SH3RF2: variants seen among roughly 807,000 people sequenced by gnomAD.
SH3RF2 encodes E3 ubiquitin-protein ligase SH3RF2.
In SH3RF2, 43 loss-of-function variants were observed where a neutral mutation model predicts 59.0. That is an observed-to-expected ratio of 0.73 (90% CI 0.57 to 0.94). SH3RF2 has a LOEUF of 0.94. Among genes scored for constraint, SH3RF2 ranks in the 40% least tolerant of loss-of-function variants. The pLI is 0.00. For missense variants in SH3RF2, 930 were observed against 940.1 expected (o/e 0.99, Z 0.14); for synonymous variants, 391 against 391.5 (o/e 1.00, Z 0.01).
At chr5:145,988,230 C>T (rs978881001) in intron 2 of SH3RF2, among the ~76,000 whole-genome samples, 3 of 151,914 alleles carry the variant, frequency 2.0e-5, no homozygotes, top group Admixed American at 2.0e-4. Context: ...TGTGGCTGCC[C>T]TCAGTCTCCA....
rs375275804 is a variant in SH3RF2, at chr5:146,062,705, T to C, written c.*4T>C. 3 of 1,609,738 alleles carry C rather than the reference T, an allele frequency of 1.9e-6. No individual in the cohort carries two copies. The highest frequency in any genetic ancestry group is 2.5e-6 in the Non-Finnish European group (3 of 1,176,764). On this transcript the variant is annotated 3_prime_UTR_variant, in exon 10 of 10. Transcript: ENST00000359120. ...GACCGTGTTTCCCAGCAAATGAACC[T>C]ACGGGTGGCTTTTCCTAGACCCCAA...
chr5:145,969,412 C>T lies in SH3RF2; in HGVS notation c.379-30646C>T, dbSNP rs184021344. Among the ~76,000 whole-genome samples, 13 of 152,200 alleles carry T rather than the reference C, an allele frequency of 8.5e-5. No homozygotes were observed. In the East Asian group the frequency reaches 1.5e-3, roughly 18 times the overall value. On this transcript the variant is annotated intron_variant, in intron 2 of 9. Transcript: ENST00000359120. ...GAAAGGTGAGGAGGAAAGAAGACAA[C>T]AAAAGATGTTCACTATCAGCATATT... is the stretch of plus-strand genomic sequence containing the variant.
chr5:145,989,355 CA>C (rs1759845351), intron 2 of SH3RF2, among the ~76,000 whole-genome samples: 1 of 152,188 alleles, frequency 6.6e-6, no homozygotes, highest in Non-Finnish European at 1.5e-5. Context: ...TCTTATCAGC[CA>C]TTTGTATTAA....
chr5:146,033,456 T>C (rs1463524885), intron 5 of SH3RF2, among the ~76,000 whole-genome samples: 50 of 51,636 alleles, frequency 9.7e-4, no homozygotes, highest in African/African-American at 2.7e-3. Flanking sequence ...CTTAGCTTTT[T>C]TTTTTTTTTT....
At chr5:146,021,396 A>G (rs1453682641) in intron 5 of SH3RF2, among the ~76,000 whole-genome samples, 1 of 152,180 alleles carries the variant, frequency 6.6e-6, no homozygotes, top group Non-Finnish European at 1.5e-5. Flanking sequence ...ATTCATACTC[A>G]TAAGTGATGT....
At chr5:145,958,975 A>ATGTATAAAAATG (rs1194760954) in intron 2 of SH3RF2, among the ~76,000 whole-genome samples, 10 of 152,204 alleles carry the variant, frequency 6.6e-5, no homozygotes, top group Admixed American at 6.5e-4. Flanking sequence ...ATGGTCTCAC[A>ATGTATAAAAATG]GTTTATGGCC....
At chr5:146,005,175 A>C (rs1018981383) in intron 4 of SH3RF2, among the ~76,000 whole-genome samples, 1 of 151,770 alleles carries the variant, frequency 6.6e-6, no homozygotes, top group Non-Finnish European at 1.5e-5. Flanking sequence ...TTAAAAAAAA[A>C]AGAAAGAAAA....
downstream of SH3RF2, among the ~76,000 whole-genome samples, chr5:146,067,871 C>T (rs968010719): frequency 6.6e-6 from 1 of 152,212 alleles, no homozygotes; most frequent in Non-Finnish European, 1.5e-5. Context: ...GCTAAGACCT[C>T]CAGCAATAAA....
In SH3RF2 at chr5:146,060,218, C is replaced by T. The variant is rs376940777; in HGVS notation, c.1908C>T (p.Ile636=). ...LVKPENSRNG[I]EKQVKTVRFQ... is the part of the protein sequence containing the mutation. ...AACCAGAAAACTCAAGAAATGGCAT[C>T]GAAAAGGTAGGATCAGAGTGACATT... Residue 636 remains isoleucine, a synonymous_variant, in exon 9 of 10, where the codon ATC becomes ATT. Coordinates refer to ENST00000359120, the MANE Select transcript of SH3RF2 (RefSeq NM_152550.4). 7.5e-6 allele frequency: 12 copies of T among 1,604,716 alleles called. No homozygotes were observed. The highest frequency in any genetic ancestry group is 5.6e-5 in the South Asian group (5 of 89,340).
intron 5 of SH3RF2, among the ~76,000 whole-genome samples, chr5:146,029,738 C>G (rs1219966072): frequency 6.6e-6 from 1 of 152,084 alleles, no homozygotes; most frequent in Non-Finnish European, 1.5e-5. Context: ...ATATCACAAC[C>G]CTCTGTGAAT....
chr5:145,966,113 C>T (rs1310072376), intron 2 of SH3RF2, among the ~76,000 whole-genome samples: 1 of 152,164 alleles, frequency 6.6e-6, no homozygotes, highest in Non-Finnish European at 1.5e-5. Flanking sequence ...GGCAAGGACA[C>T]ATTAGGTTCT....
downstream of SH3RF2, among the ~76,000 whole-genome samples, chr5:146,064,787 G>GAAAAA (rs1763044210): frequency 4.8e-5 from 1 of 21,048 alleles, no homozygotes; most frequent in African/African-American, 1.7e-4. Context: ...AAGGAAGGAA[G>GAAAAA]GAAGGAAGGA....
intron 2 of SH3RF2, chr5:145,997,712 T>A: frequency 6.4e-7 from 1 of 1,568,472 alleles, no homozygotes; most frequent in South Asian, 1.1e-5. Context: ...AGGTATATGC[T>A]ACAAGCCAGC....
At chr5:145,988,032 A>G (rs1426232833) in intron 2 of SH3RF2, among the ~76,000 whole-genome samples, 1 of 152,206 alleles carries the variant, frequency 6.6e-6, no homozygotes, top group Non-Finnish European at 1.5e-5. Flanking sequence ...ATTCCAGTGA[A>G]AGAAAATAAG....
chr5:146,021,898 C>A (rs1398059007), intron 5 of SH3RF2, among the ~76,000 whole-genome samples: 2 of 152,182 alleles, frequency 1.3e-5, no homozygotes, highest in East Asian at 3.9e-4. Flanking sequence ...CTCTGACTCA[C>A]AAGGTTATTG....
At position 145,968,913 on chromosome 5, in the gene SH3RF2, C is replaced by T. The variant is rs534546178; in HGVS notation, c.378+30607C>T. Reference sequence around the variant, plus strand: ...TAGAAGAGAAAGGAAATGAGATATGCATATTTTCTTTATACATTCTATAGT... The same window carrying T: ...TAGAAGAGAAAGGAAATGAGATATGTATATTTTCTTTATACATTCTATAGT... On this transcript the variant is annotated intron_variant, in intron 2 of 9. Transcript: ENST00000359120. Among the ~76,000 whole-genome samples the T allele has an allele frequency of 4.9e-4, 74 of 152,266 alleles. 1 individual carries two copies. In the South Asian group the frequency reaches 0.012, roughly 25 times the overall value.
At chr5:146,019,124 A>G (rs1479127496) in intron 5 of SH3RF2, among the ~76,000 whole-genome samples, 1 of 151,748 alleles carries the variant, frequency 6.6e-6, no homozygotes, top group Non-Finnish European at 1.5e-5. Flanking sequence ...CTTAGGTTTC[A>G]TTTATTTATT....
At chr5:146,043,133 C>A (rs535121378) in intron 5 of SH3RF2, 8 of 152,346 alleles carry the variant, frequency 5.3e-5, no homozygotes, top group Non-Finnish European at 8.8e-5. Context: ...CTGGGTGGGG[C>A]CTTCCTTTCT....
At chr5:145,959,543 A>G (rs1758545779) in intron 2 of SH3RF2, among the ~76,000 whole-genome samples, 2 of 151,908 alleles carry the variant, frequency 1.3e-5, no homozygotes, top group Admixed American at 1.3e-4. Context: ...CTCCATTTGC[A>G]AAGGGCACTC....
Sources: gnomAD v4.1 joint callset for allele counts (sites outside exome capture counted in the v4.1 genomes callset) on GRCh38, gnomAD v4.1.1 for gene constraint, MANE v1.5 for transcripts, NCBI Gene and HGNC (gene_info 2026-07-23, HGNC 2026-07-21) for gene names.